PTCD3: variants seen among roughly 807,000 people sequenced by gnomAD.
The protein encoded by PTCD3 is small ribosomal subunit protein mS39.
Under a neutral mutation model 101.9 loss-of-function variants are expected in PTCD3, and 89 were observed. That is an observed-to-expected ratio of 0.87 (90% CI 0.74 to 1.04). PTCD3 has a LOEUF of 1.04. Ranked by LOEUF, PTCD3 falls within the 50% of genes least tolerant of loss-of-function variation. The pLI is 0.00. For synonymous variants in PTCD3, 296 were observed against 278.5 expected (o/e 1.06, Z -0.63); for missense variants, 870 against 828.2 (o/e 1.05, Z -0.62).
rs1268675649 is a variant in PTCD3, at chr2:86,125,366, C to T, written c.805-89C>T. 10 of 1,368,772 alleles carry T rather than the reference C, an allele frequency of 7.3e-6. No homozygotes were observed. The Admixed American group carries it at 1.4e-4, about 19-fold the overall frequency. 84.8% of individuals were successfully genotyped at this position (1,368,772 alleles called of 1,614,324 possible). A position where few individuals can be genotyped will look rare whatever the true frequency, so the allele number is the denominator to read the frequency against. ...AGAACAGGAGCCTGATCTATTGAGC[C>T]TGAGCTATATTACCAAACTCTAGGA... On this transcript the variant is annotated intron_variant, in intron 10 of 23. Transcript: ENST00000254630.
intron 6 of PTCD3, among the ~76,000 whole-genome samples, chr2:86,118,145 C>A (rs963359570): frequency 6.6e-6 from 1 of 152,160 alleles, no homozygotes; most frequent in African/African-American, 2.4e-5. Flanking sequence ...ATTGTGTATA[C>A]TCTTCTGTTT....
chr2:86,119,165 C>T, intron 7 of PTCD3, 121 bp downstream of exon 7: 1 of 1,269,262 alleles, frequency 7.9e-7, no homozygotes, highest in Non-Finnish European at 1.1e-6. Flanking sequence ...GCTTTGATGG[C>T]TGCGTGCTTT....
At chr2:86,114,947 G>A (rs1674153282) in intron 4 of PTCD3, among the ~76,000 whole-genome samples, 1 of 152,198 alleles carries the variant, frequency 6.6e-6, no homozygotes. Context: ...CATGCAAAGT[G>A]TCTACCAAAG....
At chr2:86,124,493 C>T (rs1326094420) in intron 9 of PTCD3, among the ~76,000 whole-genome samples, 4 of 152,172 alleles carry the variant, frequency 2.6e-5, no homozygotes, top group Admixed American at 2.6e-4. Flanking sequence ...GGCGTGGTGG[C>T]ACGTGCCTGT....
chr2:86,123,309 G>A (rs1226968716), intron 8 of PTCD3, among the ~76,000 whole-genome samples: 1 of 151,498 alleles, frequency 6.6e-6, no homozygotes, highest in African/African-American at 2.4e-5. Context: ...TGAGTGTTAG[G>A]CATTAACTAT....
At chr2:86,126,468 A>G (rs939927638) in intron 12 of PTCD3, among the ~76,000 whole-genome samples, 21 of 152,142 alleles carry the variant, frequency 1.4e-4, no homozygotes, top group African/African-American at 4.8e-4. Flanking sequence ...AAAGTAATGC[A>G]TATTTGCTGT....
At position 86,140,872 on chromosome 2, in the gene PTCD3, AC is replaced by A. The variant is rs1292656919; in HGVS notation, c.*3315del. The stretch of plus-strand genomic sequence containing the variant: ...GGCTGGAGGATTGCTTGAGTTCAAG[AC>A]CAGCCTGAGCAACACAGTGAAAACC... On this transcript the variant is annotated 3_prime_UTR_variant, in exon 24 of 24. Transcript: ENST00000254630. 2 of 148,644 alleles carry A rather than the reference AC, an allele frequency of 1.3e-5. No homozygotes were observed. Among genetic ancestry groups the A allele is most frequent in the African/African-American group, 5.0e-5 (2 of 39,958 alleles). The allele number at this position is 148,644 out of a possible 1,614,324, so 9.2% of individuals were successfully genotyped here.
rs1674375608 is a variant in PTCD3, at chr2:86,125,894, CTCAGTTTATT to C, written c.951+16_951+25del. On this transcript the variant is annotated intron_variant, in intron 12 of 23. Transcript: ENST00000254630. ...AGTAAAATACTGGTAAGGAGGAATC[CTCAGTTTATT>C]TTTTAATAGGGCTTAAATACTCTTT... is the stretch of plus-strand genomic sequence containing the variant. 1 of 1,548,386 alleles carries C rather than the reference CTCAGTTTATT, an allele frequency of 6.5e-7. No homozygotes were observed. Among genetic ancestry groups the C allele is most frequent in the Admixed American group, 1.7e-5 (1 of 59,026 alleles).
intron 3 of PTCD3, 131 bp from the exon 4 acceptor site, chr2:86,110,982 C>G (rs1674067705): frequency 1.2e-6 from 1 of 861,930 alleles, no homozygotes. Context: ...TTCTAGTGAC[C>G]TTGTGACATA....
intron 19 of PTCD3, 64 bp from the exon 20 acceptor site, chr2:86,134,228 A>G: frequency 8.1e-7 from 1 of 1,233,910 alleles, no homozygotes; most frequent in Non-Finnish European, 1.2e-6. Context: ...ATAGGTTGAC[A>G]GTGAACAAAA....
intron 3 of PTCD3, 105 bp from the exon 4 acceptor site, chr2:86,111,008 G>C (rs1674069668): frequency 9.8e-7 from 1 of 1,020,898 alleles, no homozygotes; most frequent in Admixed American, 1.7e-5. Context: ...CTTCAGATGA[G>C]ATCTGCACTA....
At chr2:86,123,675 T>C (rs1558797193) in intron 8 of PTCD3, 26 bp from the exon 9 acceptor site, 1 of 1,550,786 alleles carries the variant, frequency 6.4e-7, no homozygotes, top group African/African-American at 1.4e-5. Context: ...TTAACTTTTA[T>C]TTCTTTTGAT....
In PTCD3 at chr2:86,135,839, C is replaced by T. The variant is rs542640249; in HGVS notation, c.1779-682C>T. The T allele has an allele frequency of 1.0e-4, 50 of 491,902 alleles. 1 individual carries two copies. The highest frequency in any genetic ancestry group is 5.6e-4 in the South Asian group (38 of 68,204). 30.5% of individuals were successfully genotyped at this position (491,902 alleles called of 1,614,324 possible). On this transcript the variant is annotated intron_variant, in intron 21 of 23. Transcript: ENST00000254630. The stretch of plus-strand genomic sequence containing the variant: ...TATGACATTTGCATTTGGTTGTTAG[C>T]GCAGGCAGTTTGGCACACACTTGAT...
At position 86,127,324 on chromosome 2, in the gene PTCD3, G is replaced by A; in HGVS notation, c.1096+19G>A. ...GGAATAGGTGAGGATGCGCCCTTGA[G>A]TTCTCTGAGGACAGAGACTGTGCCA... On this transcript the variant is annotated intron_variant, in intron 13 of 23. Coordinates refer to ENST00000254630, the MANE Select transcript of PTCD3 (RefSeq NM_017952.6). The A allele has an allele frequency of 6.2e-7, 1 of 1,610,598 alleles. No individual in the cohort carries two copies. The highest frequency in any genetic ancestry group is 1.1e-5 in the South Asian group (1 of 90,424).
At chr2:86,133,097 A>G (rs2104461348) in intron 17 of PTCD3, 81 bp from the exon 18 acceptor site, 1 of 1,523,352 alleles carries the variant, frequency 6.6e-7, no homozygotes, top group Non-Finnish European at 8.8e-7. Context: ...AACATATAAT[A>G]TGCTATAATT....
intron 17 of PTCD3, chr2:86,132,817 TAAG>T: frequency 6.2e-6 from 2 of 320,066 alleles, no homozygotes; most frequent in Admixed American, 4.6e-5. Context: ...TTTAGGCAGA[TAAG>T]AACATGAATT....
chr2:86,121,271 G>A (rs1286579364), intron 7 of PTCD3, among the ~76,000 whole-genome samples: 3 of 152,150 alleles, frequency 2.0e-5, no homozygotes, highest in East Asian at 1.9e-4. Flanking sequence ...AATCTTCTAC[G>A]TCAAATTACA....
intron 1 of PTCD3, chr2:86,107,349 A>G (rs1673977311): frequency 7.6e-6 from 3 of 395,038 alleles, no homozygotes; most frequent in South Asian, 1.9e-5. Context: ...CAGAAACTTG[A>G]AAGAGTTGAT....
At chr2:86,120,700 G>T (rs893322226) in intron 7 of PTCD3, among the ~76,000 whole-genome samples, 18 of 152,176 alleles carry the variant, frequency 1.2e-4, no homozygotes, top group Admixed American at 9.2e-4. Context: ...TTCAAGACCA[G>T]CCTGGGCAAC....
Sources: gnomAD v4.1 joint callset for allele counts (sites outside exome capture counted in the v4.1 genomes callset) on GRCh38, gnomAD v4.1.1 for gene constraint, MANE v1.5 for transcripts, NCBI Gene and HGNC (gene_info 2026-07-23, HGNC 2026-07-21) for gene names.